The following CFAP70 variants were observed in gnomAD, a reference collection of about 807,000 sequenced individuals.
CFAP70 encodes the protein cilia and flagella associated protein 70.
A neutral mutation model predicts 137.6 loss-of-function variants in CFAP70; 81 were observed. The observed-to-expected ratio is 0.59, with a 90% CI of 0.49 to 0.71. The LOEUF is 0.71. Ranked by LOEUF, CFAP70 falls within the 30% of genes least tolerant of loss-of-function variation. The pLI is 0.00. For synonymous variants in CFAP70, 382 were observed against 423.6 expected (o/e 0.90, Z 1.20); for missense variants, 976 against 1,226.7 (o/e 0.80, Z 3.05).
chr10:73,291,910 G>A, exon 17 of CFAP70: 1 of 1,614,106 alleles, frequency 6.2e-7, no homozygotes, highest in South Asian at 1.1e-5. Context: ...TGAGGGAAAG[G>A]GCTTTCTGAA....
At chr10:73,316,372 A>C (rs1025667983) in intron 9 of CFAP70, among the ~76,000 whole-genome samples, 1 of 149,580 alleles carries the variant, frequency 6.7e-6, no homozygotes. Context: ...TTTGTTTTCT[A>C]TATATCATCT....
rs563251630 is a variant in CFAP70 at position 73,266,515 on chromosome 10, G to A, written c.3027+3099C>T. 7.2e-5 allele frequency among the ~76,000 whole-genome samples: 11 copies of A among 152,228 alleles called. No individual in the cohort carries two copies. In the South Asian group the frequency reaches 2.1e-3, roughly 29 times the overall value. On this transcript the variant is annotated intron_variant, in intron 25 of 26. Coordinates refer to ENST00000310715, the Ensembl canonical transcript of CFAP70. ...ACCTCCAGTATAGTTTCAAGTAGAA[G>A]TGACGATAACATTTTCCTTATCTTG...
Position 73,354,300 on chromosome 10 carries a change from C to T in CFAP70, c.63+434G>A, listed in dbSNP as rs549400922. ...AAAACAAAGTGGAGCTCATTAATTA[C>T]ATCCTCTTTGGAATGATCTTTTTAA... On this transcript the variant is annotated intron_variant, in intron 2 of 26. Coordinates refer to ENST00000310715, the Ensembl canonical transcript of CFAP70. 2.6e-5 allele frequency among the ~76,000 whole-genome samples: 4 copies of T among 152,316 alleles called. No homozygotes were observed. The South Asian group carries it at 8.3e-4, about 32-fold the overall frequency.
upstream of CFAP70, among the ~76,000 whole-genome samples, chr10:73,360,941 A>G (rs1329303132): frequency 1.3e-5 from 2 of 152,114 alleles, no homozygotes; most frequent in Non-Finnish European, 2.9e-5. Flanking sequence ...CTCCTTAAAC[A>G]TAATTAATCT....
At chr10:73,288,489 T>C (rs915328583) in intron 19 of CFAP70, among the ~76,000 whole-genome samples, 5 of 152,188 alleles carry the variant, frequency 3.3e-5, no homozygotes, top group Non-Finnish European at 7.3e-5. Context: ...TCAGGCACTT[T>C]GGCAACTACT....
chr10:73,345,703 G>A (rs1332654351), intron 4 of CFAP70, among the ~76,000 whole-genome samples: 2 of 151,838 alleles, frequency 1.3e-5, no homozygotes, highest in Non-Finnish European at 2.9e-5. Flanking sequence ...TGCTGGGGAG[G>A]CTGAGGCAGG....
intron 9 of CFAP70, among the ~76,000 whole-genome samples, chr10:73,320,965 T>C (rs10466031): frequency 0.031 from 4,775 of 152,254 alleles, 247 homozygotes; most frequent in African/African-American, 0.1. Context: ...TAAAGTATTA[T>C]TTTTAATGGC....
intron 7 of CFAP70, among the ~76,000 whole-genome samples, chr10:73,333,033 T>C (rs2052284140): frequency 6.6e-6 from 1 of 152,132 alleles, no homozygotes; most frequent in Non-Finnish European, 1.5e-5. Flanking sequence ...GTAGGCAACA[T>C]GCAAGAACAG....
Position 73,345,047 on chromosome 10 carries a change from C to T in CFAP70, c.399+18G>A, listed in dbSNP as rs769663603. The T allele has an allele frequency of 1.9e-6, 3 of 1,610,148 alleles. No homozygotes were observed. Among genetic ancestry groups the T allele is most frequent in the South Asian group, 2.2e-5 (2 of 90,938 alleles). On this transcript the variant is annotated intron_variant, in intron 5 of 26. Transcript: ENST00000310715. ...GACATGTTTGAATCTCTATAAATAT[C>T]TGGCAGTAGGGCTTTACCTCTCCAA...
chr10:73,299,151 T>C, intron 13 of CFAP70, 50 bp from the exon 15 acceptor site: 1 of 1,376,172 alleles, frequency 7.3e-7, no homozygotes, highest in East Asian at 2.3e-5. Flanking sequence ...GTCAAGAGCA[T>C]GGATTGGAAG....
At chr10:73,332,675 G>C (rs891639877) in intron 7 of CFAP70, among the ~76,000 whole-genome samples, 2 of 152,186 alleles carry the variant, frequency 1.3e-5, no homozygotes, top group Non-Finnish European at 2.9e-5. Flanking sequence ...CCCTCTATTA[G>C]AGAAGTTCTT....
chr10:73,333,672 A>G (rs550009154), intron 7 of CFAP70, among the ~76,000 whole-genome samples: 34 of 152,332 alleles, frequency 2.2e-4, no homozygotes, highest in African/African-American at 7.5e-4. Flanking sequence ...CTTCAAACCT[A>G]AAGGAGAAAT....
chr10:73,265,730 G>C (rs922343828), intron 25 of CFAP70, among the ~76,000 whole-genome samples: 2 of 152,128 alleles, frequency 1.3e-5, no homozygotes, highest in African/African-American at 4.8e-5. Context: ...CCATATATAT[G>C]TCAGTCTATT....
intron 26 of CFAP70, among the ~76,000 whole-genome samples, chr10:73,254,751 T>C (rs1435422470): frequency 6.6e-6 from 1 of 152,158 alleles, no homozygotes; most frequent in Non-Finnish European, 1.5e-5. Flanking sequence ...TTGTTCTTTA[T>C]CTTGCCTGAA....
intron 19 of CFAP70, among the ~76,000 whole-genome samples, chr10:73,281,222 T>A (rs564021980): frequency 6.6e-6 from 1 of 152,210 alleles, no homozygotes; most frequent in Admixed American, 6.5e-5. Context: ...ACTCTCACTG[T>A]CACCCAGGCT....
chr10:73,342,846 G>A (rs561994841), intron 5 of CFAP70, among the ~76,000 whole-genome samples: 8 of 152,076 alleles, frequency 5.3e-5, no homozygotes, highest in Non-Finnish European at 1.2e-4. Context: ...GGAGGCCGAG[G>A]CGGGCGGATC....
intron 19 of CFAP70, among the ~76,000 whole-genome samples, chr10:73,286,981 C>T (rs1231789560): frequency 6.6e-6 from 1 of 152,172 alleles, no homozygotes; most frequent in Non-Finnish European, 1.5e-5. Flanking sequence ...AGCAGTTTTC[C>T]CCCTTGGGTG....
intron 2 of CFAP70, 55 bp downstream of exon 2, chr10:73,354,679 T>C: frequency 6.8e-7 from 1 of 1,473,584 alleles, no homozygotes; most frequent in East Asian, 2.3e-5. Flanking sequence ...ATTCCATTCC[T>C]CCTGCAGGTA....
At chr10:73,315,274 C>T (rs962676360) in intron 9 of CFAP70, among the ~76,000 whole-genome samples, 1 of 149,138 alleles carries the variant, frequency 6.7e-6, no homozygotes, top group Non-Finnish European at 1.5e-5. Context: ...ACAATGTACA[C>T]ATTTAAAGAG....
Sources: allele counts gnomAD v4.1 joint callset (sites outside exome capture counted in the v4.1 genomes callset), GRCh38; gene constraint gnomAD v4.1.1; transcripts MANE v1.5; gene names NCBI Gene and HGNC (gene_info 2026-07-23, HGNC 2026-07-21).